Variants in DCAF7 observed in about 807,000 individuals in gnomAD.
DCAF7 encodes the protein DDB1- and CUL4-associated factor 7.
A neutral mutation model predicts 41.2 loss-of-function variants in DCAF7; 4 were observed. The observed-to-expected ratio is 0.10, with a 90% confidence interval of 0.05 to 0.22. The LOEUF is 0.22. Among genes scored for constraint, DCAF7 ranks in the 10% least tolerant of loss-of-function variants. DCAF7 has a pLI of 1.00. For synonymous variants in DCAF7, 143 were observed against 164.2 expected (o/e 0.87, Z 0.99); for missense variants, 131 against 443.2 (o/e 0.30, Z 6.32).
chr17:63,593,977 T>C lies in DCAF7; in HGVS notation c.*4805T>C. The C allele has an allele frequency of 6.6e-6, 1 of 152,654 alleles. No individual in the cohort carries two copies. The highest frequency in any genetic ancestry group is 1.9e-4 in the East Asian group (1 of 5,204). The allele number at this position is 152,654 out of a possible 1,614,324, so 9.5% of individuals were successfully genotyped here. On this transcript the variant is annotated 3_prime_UTR_variant, in exon 7 of 7. Coordinates refer to ENST00000614556, the MANE Select transcript of DCAF7 (RefSeq NM_005828.5). ...GTCAGGTGTAGAGGAAGCTGCCCCT[T>C]GCAGAACTGTACTGTAATATTTTTC...
intron 1 of DCAF7, among the ~76,000 whole-genome samples, chr17:63,555,937 G>A (rs2033306313): frequency 1.3e-5 from 2 of 152,190 alleles, no homozygotes; most frequent in African/African-American, 4.8e-5. Flanking sequence ...CTCGCTGCCA[G>A]AGCTCTCTGG....
intron 1 of DCAF7, among the ~76,000 whole-genome samples, chr17:63,567,088 G>A (rs1157453951): frequency 2.0e-5 from 3 of 151,960 alleles, no homozygotes; most frequent in East Asian, 1.9e-4. Context: ...ACAGGTGTGA[G>A]CCACTGCACC....
At chr17:63,573,292 A>G (rs1184571786) in intron 1 of DCAF7, 1 of 152,214 alleles carries the variant, frequency 6.6e-6, no homozygotes, top group African/African-American at 2.4e-5. Context: ...TGCAGGGACC[A>G]TGCTAACCTT....
At position 63,593,935 on chromosome 17, in the gene DCAF7, G is replaced by GT. The variant is rs2033759561; in HGVS notation, c.*4767dup. 1 of 152,546 alleles carries GT rather than the reference G, an allele frequency of 6.6e-6. No homozygotes were observed. Among genetic ancestry groups the GT allele is most frequent in the African/African-American group, 2.4e-5 (1 of 41,422 alleles). The allele number at this position is 152,546 out of a possible 1,614,324, so 9.4% of individuals were successfully genotyped here. On this transcript the variant is annotated 3_prime_UTR_variant, in exon 7 of 7. Transcript: ENST00000614556. The stretch of plus-strand genomic sequence containing the variant: ...TTTAAACTTTCCCTCTATATTATAG[G>GT]TTTTGTGGCATCCACGGTCAGGTGT...
chr17:63,557,538 A>G (rs1336817974), intron 1 of DCAF7, among the ~76,000 whole-genome samples: 2 of 152,106 alleles, frequency 1.3e-5, no homozygotes, highest in African/African-American at 4.8e-5. Context: ...CAGAATAAAG[A>G]TGAACACACA....
intron 6 of DCAF7, among the ~76,000 whole-genome samples, chr17:63,588,080 T>A (rs1280472194): frequency 2.6e-5 from 4 of 152,100 alleles, no homozygotes; most frequent in Non-Finnish European, 5.9e-5. Flanking sequence ...CATCTTAGTA[T>A]TGCCATCATT....
At chr17:63,588,953 G>A (rs368650103) in intron 6 of DCAF7, 47 bp from the exon 7 acceptor site, 9 of 1,562,868 alleles carry the variant, frequency 5.8e-6, no homozygotes, top group African/African-American at 5.4e-5. Context: ...ATCATCATCC[G>A]CATTGCCTCA....
intron 1 of DCAF7, among the ~76,000 whole-genome samples, chr17:63,577,824 A>G (rs1568103396): frequency 6.6e-6 from 1 of 152,174 alleles, no homozygotes; most frequent in African/African-American, 2.4e-5. Context: ...GTCATTTTCA[A>G]ATACCTTAGG....
intron 4 of DCAF7, 81 bp from the exon 5 acceptor site, chr17:63,583,421 A>C: frequency 1.6e-6 from 2 of 1,269,186 alleles, no homozygotes; most frequent in Non-Finnish European, 1.1e-6. Flanking sequence ...GTTTAGATGA[A>C]CTGGACGTGG....
intron 4 of DCAF7, among the ~76,000 whole-genome samples, chr17:63,581,493 C>T (rs144667268): frequency 7.3e-4 from 111 of 152,290 alleles, no homozygotes; most frequent in African/African-American, 2.6e-3. Flanking sequence ...CTGGATTTAC[C>T]TGGCAGAGAC....
intron 1 of DCAF7, among the ~76,000 whole-genome samples, chr17:63,572,822 GCATGATCTCAGCTCACTGCAA>G (rs2033521433): frequency 6.6e-6 from 1 of 152,170 alleles, no homozygotes; most frequent in African/African-American, 2.4e-5. Context: ...CAGTGTGGTG[GCATGATCTCAGCTCACTGCAA>G]CCTCTACCTC....
chr17:63,552,789 AC>A (rs2033271449), intron 1 of DCAF7, among the ~76,000 whole-genome samples: 1 of 152,182 alleles, frequency 6.6e-6, no homozygotes, highest in African/African-American at 2.4e-5. Context: ...TGTTGCAGGA[AC>A]TCTACCCCAG....
At chr17:63,581,034 A>G (rs1404339117) in intron 4 of DCAF7, among the ~76,000 whole-genome samples, 1 of 152,202 alleles carries the variant, frequency 6.6e-6, no homozygotes, top group Non-Finnish European at 1.5e-5. Flanking sequence ...GAGGTTGTCA[A>G]CAGCATAGGA....
chr17:63,560,200 C>T (rs2033366032), intron 1 of DCAF7, among the ~76,000 whole-genome samples: 1 of 151,930 alleles, frequency 6.6e-6, no homozygotes, highest in Non-Finnish European at 1.5e-5. Flanking sequence ...CCGTGGTAAT[C>T]TACTGTGTGT....
intron 5 of DCAF7, 38 bp from the exon 6 acceptor site, chr17:63,585,173 T>G (rs1218565163): frequency 6.4e-7 from 1 of 1,550,848 alleles, no homozygotes; most frequent in South Asian, 1.2e-5. Flanking sequence ...TCTATGAAAC[T>G]CTGATGATCC....
chr17:63,585,406 T>TA lies in DCAF7; in HGVS notation c.856+79dup. On this transcript the variant is annotated intron_variant, in intron 6 of 6. Coordinates refer to ENST00000614556, the MANE Select transcript of DCAF7 (RefSeq NM_005828.5). The stretch of plus-strand genomic sequence containing the variant: ...CTTGGCTCCTTAGAATTGTAGTTGT[T>TA]ACTGTTTTCTAAGCACAGTCTTGAG... The TA allele has an allele frequency of 2.3e-6, 3 of 1,283,740 alleles. No homozygotes were observed. The South Asian group carries it at 3.7e-5, about 16-fold the overall frequency. 79.5% of individuals were successfully genotyped at this position (1,283,740 alleles called of 1,614,324 possible). A position where few individuals can be genotyped will look rare whatever the true frequency, so the allele number is the denominator to read the frequency against.
chr17:63,587,447 G>T (rs2033689008), intron 6 of DCAF7, among the ~76,000 whole-genome samples: 2 of 152,118 alleles, frequency 1.3e-5, no homozygotes, highest in South Asian at 4.1e-4. Context: ...TCTGCTCCTG[G>T]CTGCTGCCTT....
chr17:63,582,033 C>T (rs2033627806), intron 4 of DCAF7, among the ~76,000 whole-genome samples: 1 of 152,104 alleles, frequency 6.6e-6, no homozygotes. Flanking sequence ...GGATCTCTGT[C>T]CCTGAGGGTT....
intron 1 of DCAF7, chr17:63,552,221 G>C (rs2033265120): frequency 6.6e-6 from 1 of 152,198 alleles, no homozygotes; most frequent in Admixed American, 6.5e-5. Context: ...TTGTACGGAA[G>C]GGGTTCTGGT....
Sources: gnomAD v4.1 joint callset for allele counts (sites outside exome capture counted in the v4.1 genomes callset) on GRCh38, gnomAD v4.1.1 for gene constraint, MANE v1.5 for transcripts, NCBI Gene and HGNC (gene_info 2026-07-23, HGNC 2026-07-21) for gene names.